FER1L6: variants seen among roughly 807,000 people sequenced by gnomAD.
The protein encoded by FER1L6 is fer-1-like protein 6.
In FER1L6, 177 loss-of-function variants were observed where a neutral mutation model predicts 219.2. The ratio of observed to expected loss-of-function variants is 0.81; its 90% CI spans 0.71 to 0.91. The LOEUF is 0.91. Among genes scored for constraint, FER1L6 ranks in the 40% least tolerant of loss-of-function variants. FER1L6 has a pLI of 0.00. For synonymous variants in FER1L6, 768 were observed against 824.3 expected (o/e 0.93, Z 1.17); for missense variants, 2,153 against 2,259.9 (o/e 0.95, Z 0.96).
intron 1 of FER1L6, among the ~76,000 whole-genome samples, chr8:123,881,612 C>T (rs956723488): frequency 1.3e-5 from 2 of 152,110 alleles, no homozygotes; most frequent in African/African-American, 4.8e-5. Flanking sequence ...ACCCAGCCAT[C>T]CTTAGACCCA....
chr8:124,051,358 G>C (rs936499981), intron 22 of FER1L6, among the ~76,000 whole-genome samples: 2 of 152,160 alleles, frequency 1.3e-5, no homozygotes, highest in Admixed American at 1.3e-4. Context: ...GCACCTCCTG[G>C]TGCCTCAGTG....
At chr8:123,933,492 G>A (rs945814189) in intron 1 of FER1L6, among the ~76,000 whole-genome samples, 1 of 152,040 alleles carries the variant, frequency 6.6e-6, no homozygotes. Flanking sequence ...TCAGTGTCTG[G>A]CACGTAGCAA....
intron 37 of FER1L6, among the ~76,000 whole-genome samples, chr8:124,099,515 T>A (rs1181311202): frequency 2.0e-5 from 3 of 152,180 alleles, no homozygotes. Flanking sequence ...ATCCTCTCCA[T>A]CTTCGCCACA....
At chr8:123,877,226 A>G (rs1406915629) in intron 1 of FER1L6, among the ~76,000 whole-genome samples, 1 of 152,232 alleles carries the variant, frequency 6.6e-6, no homozygotes, top group African/African-American at 2.4e-5. Flanking sequence ...TTTATTTTTC[A>G]ATTATTGCTG....
rs112258137 is a variant in FER1L6, at chr8:123,903,058, G to A, written c.-8+50873G>A. On this transcript the variant is annotated intron_variant, in intron 1 of 40. Coordinates refer to ENST00000522917, the MANE Select transcript of FER1L6 (RefSeq NM_001039112.2). The stretch of plus-strand genomic sequence containing the variant: ...AGACTATCTTTCCTTCATATATGAT[G>A]CTTAGTAATTTGTTTTTTTTAAATG... Among the ~76,000 whole-genome samples the A allele has an allele frequency of 1.5e-3, 229 of 152,140 alleles. 1 individual carries two copies. The highest frequency in any genetic ancestry group is 5.5e-3 in the African/African-American group (228 of 41,524).
At chr8:124,108,271 T>C (rs1822859415) in intron 39 of FER1L6, among the ~76,000 whole-genome samples, 1 of 152,190 alleles carries the variant, frequency 6.6e-6, no homozygotes, top group Non-Finnish European at 1.5e-5. Context: ...CTGGCTCTAT[T>C]ATTTACCAGC....
In FER1L6 at chr8:123,976,097, T is replaced by C. The variant is rs753648929; in HGVS notation, c.870+13T>C. On this transcript the variant is annotated intron_variant, in intron 9 of 40. Transcript: ENST00000522917. ...TGCTGGGCAGATGGTGAGGAACCAT[T>C]GTCACTAACACTGCCTGCTAGGCCA... 6.3e-7 allele frequency: 1 copy of C among 1,598,262 alleles called. No individual in the cohort carries two copies. The highest frequency in any genetic ancestry group is 1.1e-5 in the South Asian group (1 of 88,720).
At position 124,011,769 on chromosome 8, in the gene FER1L6, G is replaced by A. The variant is rs148068424; in HGVS notation, c.1821+1055G>A. Among the ~76,000 whole-genome samples the A allele has an allele frequency of 2.0e-5, 3 of 152,064 alleles. No homozygotes were observed. The East Asian group carries it at 5.8e-4, about 29-fold the overall frequency. On this transcript the variant is annotated intron_variant, in intron 14 of 40. Transcript: ENST00000522917. ...CAAATTGCTGGGGTGATAGGCATGAGCCATTGTGCCTGGCCAACACCCTGT... is the reference window on the plus strand; with the variant it reads ...CAAATTGCTGGGGTGATAGGCATGAACCATTGTGCCTGGCCAACACCCTGT...
At chr8:124,074,357 C>G (rs1452548197) in intron 31 of FER1L6, among the ~76,000 whole-genome samples, 1 of 151,648 alleles carries the variant, frequency 6.6e-6, no homozygotes, top group Non-Finnish European at 1.5e-5. Context: ...ATATCACACA[C>G]TACTTAGAAA....
chr8:124,094,676 A>AG, intron 34 of FER1L6, among the ~76,000 whole-genome samples: 1 of 152,076 alleles, frequency 6.6e-6, no homozygotes, highest in East Asian at 1.9e-4. Context: ...TAGTAGAGAA[A>AG]GGGTTTCACC....
chr8:123,888,369 A>C (rs376690370), intron 1 of FER1L6, among the ~76,000 whole-genome samples: 9 of 152,194 alleles, frequency 5.9e-5, no homozygotes, highest in African/African-American at 2.2e-4. Flanking sequence ...CACCTGCCTC[A>C]GCCTCCCAAA....
chr8:124,114,212 C>T (rs1231362548), intron 39 of FER1L6, among the ~76,000 whole-genome samples: 2 of 152,014 alleles, frequency 1.3e-5, no homozygotes, highest in Non-Finnish European at 2.9e-5. Flanking sequence ...ATAAATCAGT[C>T]ACCCTCCTCC....
intron 29 of FER1L6, among the ~76,000 whole-genome samples, chr8:124,070,242 A>G (rs1209896138): frequency 1.3e-5 from 2 of 152,184 alleles, no homozygotes; most frequent in Non-Finnish European, 2.9e-5. Context: ...AAATTTACCT[A>G]TACTTTTTGG....
At chr8:124,088,115 C>T (rs1402040950) in intron 33 of FER1L6, among the ~76,000 whole-genome samples, 1 of 152,158 alleles carries the variant, frequency 6.6e-6, no homozygotes, top group Non-Finnish European at 1.5e-5. Context: ...TCCAGCCAGA[C>T]TTCTGTCCTT....
At chr8:123,964,562 A>G (rs1815449105) in intron 3 of FER1L6, among the ~76,000 whole-genome samples, 1 of 152,134 alleles carries the variant, frequency 6.6e-6, no homozygotes, top group Non-Finnish European at 1.5e-5. Context: ...CACCCTGACA[A>G]CCACCACCCC....
rs749626085 is a variant in FER1L6, at chr8:123,966,230, T to C, written c.324T>C (p.Ile108=). 2.5e-6 allele frequency: 4 copies of C among 1,613,986 alleles called. No individual in the cohort carries two copies. In the South Asian group the frequency reaches 4.4e-5, roughly 18 times the overall value. ...TTGACCCAGTTGTGACCATTGAGAT[T>C]GGGGATGAGAAGAAGCAAAGCACAG... ...ENIDPVVTIE[I]GDEKKQSTVK... is the part of the protein sequence containing the mutation. Residue 108 remains isoleucine, a synonymous_variant, in exon 5 of 41, where the codon ATT becomes ATC. Coordinates refer to ENST00000522917, the MANE Select transcript of FER1L6 (RefSeq NM_001039112.2).
chr8:123,902,973 T>A (rs1812885721), intron 1 of FER1L6, among the ~76,000 whole-genome samples: 1 of 152,220 alleles, frequency 6.6e-6, no homozygotes, highest in South Asian at 2.1e-4. Context: ...GAGCTCTTTT[T>A]AGCAGTCCTC....
chr8:124,054,448 C>T (rs1484539164), intron 22 of FER1L6, among the ~76,000 whole-genome samples: 3 of 152,016 alleles, frequency 2.0e-5, no homozygotes, highest in African/African-American at 7.2e-5. Context: ...ACTTCTTTTT[C>T]AAAACTTGAT....
intron 1 of FER1L6, among the ~76,000 whole-genome samples, chr8:123,928,472 G>A (rs545685767): frequency 6.6e-6 from 1 of 152,128 alleles, no homozygotes; most frequent in Non-Finnish European, 1.5e-5. Context: ...GGGCAAATAG[G>A]CTTGTTTTCT....
Sources: gnomAD v4.1 joint callset for allele counts (sites outside exome capture counted in the v4.1 genomes callset) on GRCh38, gnomAD v4.1.1 for gene constraint, MANE v1.5 for transcripts, NCBI Gene and HGNC (gene_info 2026-07-23, HGNC 2026-07-21) for gene names.